The following UMODL1 variants were observed in gnomAD, a reference collection of about 807,000 sequenced individuals.
UMODL1 encodes the protein uromodulin like 1.
A neutral mutation model predicts 136.3 loss-of-function variants in UMODL1; 128 were observed. That is an observed-to-expected ratio of 0.94 (90% CI 0.81 to 1.09). The LOEUF is 1.09. Ranked by LOEUF, UMODL1 falls within the 50% of genes least tolerant of loss-of-function variation. The pLI, the probability that UMODL1 is intolerant of heterozygous loss-of-function variation, is 0.00. For missense variants in UMODL1, 1,766 were observed against 1,725.6 expected, an observed-to-expected ratio of 1.02 and a Z score of -0.41; for synonymous variants, 721 against 720.0, an observed-to-expected ratio of 1.00 and a Z score of -0.02.
intron 6 of UMODL1, 96 bp downstream of exon 6, chr21:42,090,534 C>A: frequency 4.2e-6 from 6 of 1,426,370 alleles, no homozygotes; most frequent in Admixed American, 2.2e-5. Flanking sequence ...CAGCATTCAC[C>A]CCGAGATAAC....
Position 42,085,563 on chromosome 21 carries a change from TC to T in UMODL1, c.603+152del. The T allele has an allele frequency of 1.7e-6, 2 of 1,198,118 alleles. No individual in the cohort carries two copies. Among genetic ancestry groups the T allele is most frequent in the Non-Finnish European group, 1.2e-6 (1 of 852,224 alleles). The allele number at this position is 1,198,118 out of a possible 1,614,324, so 74.2% of individuals were successfully genotyped here. The stretch of plus-strand genomic sequence containing the variant: ...GACTGACTCTGAACGAAATTCTAGT[TC>T]TTAAAAAATCAGCTTCAAAGAGGTA... On this transcript the variant is annotated intron_variant, in intron 4 of 22. Coordinates refer to ENST00000408910, the MANE Select transcript of UMODL1 (RefSeq NM_001004416.3). The surrounding 1 kb of genome is among the most constrained non-coding windows in gnomAD (Gnocchi z 4.5).
intron 6 of UMODL1, among the ~76,000 whole-genome samples, chr21:42,098,643 C>G (rs1286712919): frequency 1.3e-5 from 2 of 152,112 alleles, no homozygotes; most frequent in Non-Finnish European, 2.9e-5. Context: ...TGGCGAGTGC[C>G]TGTAATCCCA....
intron 12 of UMODL1, among the ~76,000 whole-genome samples, chr21:42,113,304 C>T (rs1418318990): frequency 1.5e-4 from 23 of 151,754 alleles, no homozygotes; most frequent in Admixed American, 1.5e-3. Context: ...AGTCCAGGGG[C>T]CTCAGGGATG....
chr21:42,063,855 A>G (rs220267), intron 1 of UMODL1, among the ~76,000 whole-genome samples: 53,790 of 152,024 alleles, frequency 0.35, 10,349 homozygotes, highest in Admixed American at 0.5. Context: ...CCAGCCTCCC[A>G]TGGGTGGAGC....
At position 42,094,129 on chromosome 21, in the gene UMODL1, G is replaced by A. The variant is rs1036238684; in HGVS notation, c.931+3691G>A. 4 of 366,034 alleles carry A rather than the reference G, an allele frequency of 1.1e-5. No individual in the cohort carries two copies. The Admixed American group carries it at 1.3e-4, about 12-fold the overall frequency. The allele number at this position is 366,034 out of a possible 1,614,324, so 22.7% of individuals were successfully genotyped here. On this transcript the variant is annotated intron_variant, in intron 6 of 22. Transcript: ENST00000408910. ...CAGTCACACTCTGCCGTGTTGCTTG[G>A]CACAGTGAACTGCCAGATTGCGTCA...
intron 21 of UMODL1, among the ~76,000 whole-genome samples, chr21:42,133,629 C>T (rs969386198): frequency 2.6e-5 from 4 of 152,222 alleles, no homozygotes; most frequent in African/African-American, 4.8e-5. Context: ...CACAGTCTCT[C>T]GCAACATTGT....
chr21:42,089,197 A>G (rs2066462672), intron 5 of UMODL1, among the ~76,000 whole-genome samples: 1 of 152,116 alleles, frequency 6.6e-6, no homozygotes, highest in South Asian at 2.1e-4. Context: ...TCCTGTACCC[A>G]AGCAGGAGGC....
At position 42,075,860 on chromosome 21, in the gene UMODL1, G is replaced by T. The variant is rs1397028073; in HGVS notation, c.77-145G>T. ...ACTAGCAGGCAAAGGCCAGTGGAGA[G>T]GGCTGGTGGGCAGCTTCTGAGAGGC... On this transcript the variant is annotated intron_variant, in intron 1 of 22. Transcript: ENST00000408910. The T allele has an allele frequency of 4.2e-6, 5 of 1,184,834 alleles. No homozygotes were observed. The East Asian group carries it at 1.2e-4, about 28-fold the overall frequency. 73.4% of individuals were successfully genotyped at this position (1,184,834 alleles called of 1,614,324 possible).
At chr21:42,103,603 T>C (rs756076642) in intron 8 of UMODL1, 2 of 603,664 alleles carry the variant, frequency 3.3e-6, no homozygotes, top group Non-Finnish European at 6.4e-6. Flanking sequence ...GTCCATCTGA[T>C]GCTCCACAAC....
intron 7 of UMODL1, among the ~76,000 whole-genome samples, chr21:42,100,091 T>C (rs1316111632): frequency 6.6e-6 from 1 of 152,088 alleles, no homozygotes; most frequent in Non-Finnish European, 1.5e-5. Context: ...CTAGACTTGG[T>C]CAGATGAGGC....
rs770958111 is a variant in UMODL1, at chr21:42,119,114, C to T, written c.2479C>T (p.Arg827Trp). The stretch of plus-strand genomic sequence containing the variant: ...CACATGGCCTCTTTCCCCGCAGGTG[C>T]GGGGCTCCCTGCCAGCCACCATGTG... Reference protein sequence around the residue: ...DFLELFFRMVRGSLPATMCQH... With the variant: ...DFLELFFRMVWGSLPATMCQH... Residue 827 changes from arginine (R) to tryptophan (W), a missense_variant, in exon 15 of 23, where the codon CGG becomes TGG. Arg to Trp is a moderately radical substitution (Grantham distance 101). Coordinates refer to ENST00000408910, the MANE Select transcript of UMODL1 (RefSeq NM_001004416.3). 5.6e-6 allele frequency: 9 copies of T among 1,612,016 alleles called. No homozygotes were observed. Among genetic ancestry groups the T allele is most frequent in the South Asian group, 3.3e-5 (3 of 90,982 alleles).
intron 2 of UMODL1, among the ~76,000 whole-genome samples, chr21:42,083,854 G>A (rs914838062): frequency 6.6e-6 from 1 of 152,236 alleles, no homozygotes; most frequent in Non-Finnish European, 1.5e-5. Context: ...AGACACCTAG[G>A]ACCCCAGCTG....
At chr21:42,134,635 G>A (rs184001843) in intron 21 of UMODL1, among the ~76,000 whole-genome samples, 385 of 152,128 alleles carry the variant, frequency 2.5e-3, no homozygotes, top group Non-Finnish European at 4.2e-3. Context: ...TTATTTTTGA[G>A]ACAGAGTCTC....
upstream of UMODL1, among the ~76,000 whole-genome samples, chr21:42,069,029 G>A (rs1467689452): frequency 6.6e-6 from 1 of 152,196 alleles, no homozygotes; most frequent in Non-Finnish European, 1.5e-5. Context: ...GATGGACTGT[G>A]GAAGACACAC....
In UMODL1 at chr21:42,098,468, G is replaced by GA. The variant is rs35653079; in HGVS notation, c.932-449dup. ...AATGAATGGGTTGCATTTATTATTG[G>GA]AAAAAAAAACAGTGAGTGGGTCAGG... On this transcript the variant is annotated intron_variant, in intron 6 of 22. Coordinates refer to ENST00000408910, the MANE Select transcript of UMODL1 (RefSeq NM_001004416.3). 1.6e-3 allele frequency among the ~76,000 whole-genome samples: 235 copies of GA among 150,484 alleles called. 1 individual carries two copies. Among genetic ancestry groups the GA allele is most frequent in the Middle Eastern group, 0.014 (4 of 294 alleles).
intron 6 of UMODL1, among the ~76,000 whole-genome samples, chr21:42,091,661 G>A (rs2066493764): frequency 6.6e-6 from 1 of 152,242 alleles, no homozygotes; most frequent in Non-Finnish European, 1.5e-5. Flanking sequence ...CAGATGTCTT[G>A]ACTGAACAGT....
At chr21:42,141,274 A>G (rs1033406878) in intron 22 of UMODL1, among the ~76,000 whole-genome samples, 5 of 152,142 alleles carry the variant, frequency 3.3e-5, no homozygotes, top group Admixed American at 6.5e-5. Context: ...CCGCCTGTGG[A>G]TGTGATTCTG....
chr21:42,131,699 G>T (rs962910329), intron 21 of UMODL1, among the ~76,000 whole-genome samples: 11 of 152,252 alleles, frequency 7.2e-5, no homozygotes, highest in South Asian at 2.1e-4. Flanking sequence ...CTCATTTAAA[G>T]CATTTGGGAA....
Position 42,113,585 on chromosome 21 carries a change from T to C in UMODL1, c.2117T>C (p.Ile706Thr), listed in dbSNP as rs374941449. 2.9e-5 allele frequency: 46 copies of C among 1,613,346 alleles called. 1 individual carries two copies. The highest frequency in any genetic ancestry group is 6.6e-5 in the South Asian group (6 of 91,058). The change falls in exon 13 of 23, where the codon ATT becomes ACT. Residue 706 changes from isoleucine to threonine, a missense_variant. By Grantham distance (89) the Ile-to-Thr change is moderately conservative (BLOSUM62 -1). Coordinates refer to ENST00000408910, the MANE Select transcript of UMODL1 (RefSeq NM_001004416.3). ...TTCCACTTCCCAGTTCCTGTCTCCATTGGGAGGATCATGGTCTCCAATGTG... is the reference window on the plus strand; with the variant it reads ...TTCCACTTCCCAGTTCCTGTCTCCACTGGGAGGATCATGGTCTCCAATGTG... ...LKTPACVPVS[I>T]GRIMVSNVTS...
Sources: allele counts gnomAD v4.1 joint callset (sites outside exome capture counted in the v4.1 genomes callset), GRCh38; gene constraint gnomAD v4.1.1; non-coding constraint Gnocchi (gnomAD v3.1); transcripts MANE v1.5; gene names NCBI Gene and HGNC (gene_info 2026-07-23, HGNC 2026-07-21).